Variants in LINGO1 observed in about 807,000 individuals in gnomAD.
LINGO1 encodes the protein leucine rich repeat and Ig domain containing 1, also known as leucine-rich repeat and immunoglobulin-like domain-containing nogo receptor-interacting protein 1.
Under a neutral mutation model 37.3 loss-of-function variants are expected in LINGO1, and 11 were observed. The observed-to-expected ratio is 0.29, with a 90% CI of 0.19 to 0.49. LINGO1 has a LOEUF of 0.49. Among genes scored for constraint, LINGO1 ranks in the 20% least tolerant of loss-of-function variants. The probability of loss-of-function intolerance (pLI) is 0.99; values close to 1 mark genes in which losing one functional copy is unlikely to be tolerated. For synonymous variants in LINGO1, 387 were observed against 403.0 expected (o/e 0.96, Z 0.48); for missense variants, 585 against 878.2 (o/e 0.67, Z 4.22).
In LINGO1 at chr15:77,615,918, C is replaced by G. The variant is rs1453943576; in HGVS notation, c.7-18G>C. ...TTGCTCACCTGCAGCCGGGAGCAAG[C>G]ACAGGACAGAGGTGGCGGTTAGGGG... On this transcript the variant is annotated intron_variant, in intron 1 of 1. Transcript: ENST00000355300. 1 of 1,456,070 alleles carries G rather than the reference C, an allele frequency of 6.9e-7. No homozygotes were observed. Among genetic ancestry groups the G allele is most frequent in the Non-Finnish European group, 9.0e-7 (1 of 1,109,672 alleles). The allele number at this position is 1,456,070 out of a possible 1,614,324, so 90.2% of individuals were successfully genotyped here. A position where few individuals can be genotyped will look rare whatever the true frequency, so the allele number is the denominator to read the frequency against.
At position 77,737,689 on chromosome 15, in the gene LINGO1, C is replaced by T. The variant is rs79764978; in HGVS notation, c.-256-2636G>A. On this transcript the variant is annotated intron_variant, in intron 1 of 3. Transcript: ENST00000561686. ...GCCAAGCCCAATAGTCACTCTCTGTCCCCTCACTGGTCCCTGAGCTCTCAG... is the reference window on the plus strand; with the variant it reads ...GCCAAGCCCAATAGTCACTCTCTGTTCCCTCACTGGTCCCTGAGCTCTCAG... Among the ~76,000 whole-genome samples, 292 of 151,852 alleles carry T rather than the reference C, an allele frequency of 1.9e-3. 7 individuals are homozygous for T. The East Asian group carries it at 0.049, about 26-fold the overall frequency.
chr15:77,733,252 G>A (rs2076170892), intron 2 of LINGO1, among the ~76,000 whole-genome samples: 1 of 152,262 alleles, frequency 6.6e-6, no homozygotes. Flanking sequence ...ACTCCGAGCA[G>A]AGGGGGCTGT....
intron 1 of LINGO1, among the ~76,000 whole-genome samples, chr15:77,620,588 G>C (rs2073886740): frequency 6.6e-6 from 1 of 152,276 alleles, no homozygotes; most frequent in Non-Finnish European, 1.5e-5. Context: ...GGCCTGCACA[G>C]TAAGGGCTCC....
chr15:77,742,844 G>C (rs751308354), intron 1 of LINGO1, among the ~76,000 whole-genome samples: 8 of 152,194 alleles, frequency 5.3e-5, no homozygotes, highest in Non-Finnish European at 1.2e-4. Context: ...GAAGGAAACA[G>C]CTGGAAGGGG....
At chr15:77,649,116 C>T (rs942611410) in intron 3 of LINGO1, 2 of 152,340 alleles carry the variant, frequency 1.3e-5, no homozygotes, top group South Asian at 2.1e-4. Flanking sequence ...CTGGACTAGA[C>T]GTGGTAGTGA....
intron 2 of LINGO1, among the ~76,000 whole-genome samples, chr15:77,702,751 C>T (rs747098706): frequency 2.6e-5 from 4 of 152,192 alleles, no homozygotes. Context: ...ACACCAATGG[C>T]TAAGCTTGCT....
At chr15:77,697,597 A>G (rs975914953), upstream of LINGO1, among the ~76,000 whole-genome samples, 13 of 149,840 alleles carry the variant, frequency 8.7e-5, no homozygotes, top group Admixed American at 8.6e-4. Flanking sequence ...TCACTCATTC[A>G]TTCAGCAAAT....
chr15:77,803,882 C>T (rs2076938858), intron 1 of LINGO1, among the ~76,000 whole-genome samples: 1 of 152,188 alleles, frequency 6.6e-6, no homozygotes, highest in Non-Finnish European at 1.5e-5. Context: ...ATTACCCAGT[C>T]TCAGGAATTT....
intron 2 of LINGO1, among the ~76,000 whole-genome samples, chr15:77,717,403 G>C (rs149018275): frequency 2.7e-5 from 4 of 150,752 alleles, no homozygotes; most frequent in African/African-American, 9.7e-5. Context: ...CTGTGGGGCC[G>C]CCACATGCAT....
At chr15:77,787,619 C>T (rs1021577245), upstream of LINGO1, among the ~76,000 whole-genome samples, 2 of 152,086 alleles carry the variant, frequency 1.3e-5, no homozygotes, top group Non-Finnish European at 2.9e-5. Context: ...CCATGCCAAC[C>T]TCCCTGCCAA....
intron 2 of LINGO1, among the ~76,000 whole-genome samples, chr15:77,686,022 G>A (rs781595909): frequency 6.6e-6 from 1 of 152,266 alleles, no homozygotes; most frequent in South Asian, 2.1e-4. Context: ...TCTCCAGCCC[G>A]GCTATTTGGA....
chr15:77,798,788 G>A (rs1188591546), intron 1 of LINGO1, among the ~76,000 whole-genome samples: 2 of 152,198 alleles, frequency 1.3e-5, no homozygotes, highest in African/African-American at 2.4e-5. Context: ...CTCTCAGCCT[G>A]TGTAGTCTGT....
chr15:77,762,331 A>C (rs1346470771), intron 1 of LINGO1, among the ~76,000 whole-genome samples: 2 of 152,244 alleles, frequency 1.3e-5, no homozygotes, highest in Non-Finnish European at 2.9e-5. Context: ...AGAGACTCAA[A>C]TGCAAGAGCA....
intron 2 of LINGO1, among the ~76,000 whole-genome samples, chr15:77,727,736 T>TA (rs957155043): frequency 6.7e-6 from 1 of 148,562 alleles, no homozygotes; most frequent in African/African-American, 2.5e-5. Flanking sequence ...GTTTTTTTTT[T>TA]ACCATAATTT....
chr15:77,815,648 A>T (rs1359964685), intron 1 of LINGO1, among the ~76,000 whole-genome samples: 1 of 151,904 alleles, frequency 6.6e-6, no homozygotes, highest in Non-Finnish European at 1.5e-5. Context: ...GACACTTGCC[A>T]CCTCTGTATG....
chr15:77,653,672 A>G (rs1293377721), intron 3 of LINGO1, among the ~76,000 whole-genome samples: 1 of 152,150 alleles, frequency 6.6e-6, no homozygotes, highest in Non-Finnish European at 1.5e-5. Flanking sequence ...CCACCATGCC[A>G]TGTGCCCCTC....
chr15:77,812,276 C>T (rs1262823601), intron 1 of LINGO1, among the ~76,000 whole-genome samples: 2 of 152,354 alleles, frequency 1.3e-5, no homozygotes, highest in East Asian at 3.9e-4. Context: ...CTGATTCCAT[C>T]CTCATGCGGC....
In LINGO1 at chr15:77,776,522, G is replaced by GGAAAGCAGGAAGGCAGGAAGGC. The variant is rs2076651152; in HGVS notation, c.-257+10346_-257+10347insGCCTTCCTGCCTTCCTGCTTTC. Reference sequence around the variant, plus strand: ...GCAGGAAGGCAGGAAGGCAGGAAGGGAGGAAGGGAGGGAGGGAGGGAGGGA... The same window carrying GGAAAGCAGGAAGGCAGGAAGGC: ...GCAGGAAGGCAGGAAGGCAGGAAGGGGAAAGCAGGAAGGCAGGAAGGCAGGAAGGGAGGGAGGGAGGGAGGGA... On this transcript the variant is annotated intron_variant, in intron 1 of 3. Coordinates refer to the LINGO1 transcript ENST00000561686. 6.9e-4 allele frequency among the ~76,000 whole-genome samples: 36 copies of GGAAAGCAGGAAGGCAGGAAGGC among 52,478 alleles called. 2 individuals carry two copies. Among genetic ancestry groups the GGAAAGCAGGAAGGCAGGAAGGC allele is most frequent in the Non-Finnish European group, 9.3e-4 (23 of 24,688 alleles). The allele number at this position is 52,478 out of a possible 152,430, so 34.4% of individuals were successfully genotyped here.
chr15:77,694,722 C>T (rs2075660449), intron 1 of LINGO1, among the ~76,000 whole-genome samples: 2 of 152,220 alleles, frequency 1.3e-5, no homozygotes, highest in African/African-American at 4.8e-5. Context: ...AGACCAGTAC[C>T]AAATACTAGG....
Sources: allele counts gnomAD v4.1 joint callset (sites outside exome capture counted in the v4.1 genomes callset), GRCh38; gene constraint gnomAD v4.1.1; transcripts MANE v1.5; gene names NCBI Gene and HGNC (gene_info 2026-07-23, HGNC 2026-07-21).